VXN: variants seen among roughly 807,000 people sequenced by gnomAD.
VXN encodes vexin.
VXN carries 7 observed loss-of-function variants against 23.1 expected under a neutral mutation model. The observed-to-expected ratio is 0.30, with a 90% CI of 0.17 to 0.57. VXN has a LOEUF of 0.57. Among genes scored for constraint, VXN ranks in the 20% least tolerant of loss-of-function variants. VXN has a pLI of 0.91. For synonymous variants in VXN, 120 were observed against 105.8 expected, an observed-to-expected ratio of 1.13 and a Z score of -0.83; for missense variants, 238 against 272.6, an observed-to-expected ratio of 0.87 and a Z score of 0.89.
chr8:66,510,534 C>T (rs530676311), intron 4 of VXN, among the ~76,000 whole-genome samples: 9 of 152,248 alleles, frequency 5.9e-5, no homozygotes, highest in East Asian at 1.9e-4. Flanking sequence ...AAAAGAGAGG[C>T]GAGGCTCTCG....
At chr8:66,509,994 C>CTAA (rs1807803383) in intron 3 of VXN, 102 bp from the exon 4 acceptor site, 3 of 1,126,714 alleles carry the variant, frequency 2.7e-6, no homozygotes, top group South Asian at 2.5e-5. Context: ...TTTAGAAATT[C>CTAA]CCTGGCGTGG....
rs17322752 is a variant in VXN at position 66,516,133 on chromosome 8, A to C, written c.*57A>C. ...CAAGGTTCCCCGGACAAGAGGAAAA[A>C]CCTTCAGGATTGAAACTGAGCCACA... On this transcript the variant is annotated 3_prime_UTR_variant, in exon 6 of 6. Coordinates refer to ENST00000305454, the MANE Select transcript of VXN (RefSeq NM_152765.4). 2.7e-6 allele frequency: 4 copies of C among 1,476,778 alleles called. No homozygotes were observed. The highest frequency in any genetic ancestry group is 2.7e-6 in the Non-Finnish European group (3 of 1,111,778). 91.5% of individuals were successfully genotyped at this position (1,476,778 alleles called of 1,614,324 possible). A position where few individuals can be genotyped will look rare whatever the true frequency, so the allele number is the denominator to read the frequency against.
At chr8:66,508,247 TCCTAGCCCTCTTGGTA>T (rs1222531917) in intron 3 of VXN, among the ~76,000 whole-genome samples, 1 of 152,086 alleles carries the variant, frequency 6.6e-6, no homozygotes, top group Non-Finnish European at 1.5e-5. Context: ...GGTATTTCTC[TCCTAGCCCTCTTGGTA>T]CCTACCTCAA....
rs371062792 is a variant in VXN at position 66,505,472 on chromosome 8, G to T, written c.224G>T (p.Arg75Leu). The change falls in exon 3 of 6, where the codon CGG becomes CTG. Residue 75 changes from arginine (R) to leucine (L), a missense_variant. Physicochemically the swap from Arg to Leu is moderately radical, Grantham distance 102. Transcript: ENST00000305454. Reference sequence around the variant, plus strand: ...CCTGGCGACCGCCGCAGGTTTGGGCGGCTCCAGACCGCGCGGCCGCCCACA... The same window carrying T: ...CCTGGCGACCGCCGCAGGTTTGGGCTGCTCCAGACCGCGCGGCCGCCCACA... ...RDPGDRRRFG[R>L]LQTARPPTAH... 25 of 1,576,798 alleles carry T rather than the reference G, an allele frequency of 1.6e-5. No individual in the cohort carries two copies. The African/African-American group carries it at 3.1e-4, about 20-fold the overall frequency.
chr8:66,493,948 G>A (rs760295820), intron 1 of VXN, among the ~76,000 whole-genome samples: 7 of 152,112 alleles, frequency 4.6e-5, no homozygotes, highest in Non-Finnish European at 1.0e-4. Context: ...AATACTCCCT[G>A]TCTCATTTAA....
chr8:66,500,474 T>C lies in VXN; in HGVS notation c.126+3982T>C, dbSNP rs556361444. ...TAGATGTATTGATCATTTCAACATT[T>C]TTTCCCCTACGGTTTCTTACTCATG... is the stretch of plus-strand genomic sequence containing the variant. On this transcript the variant is annotated intron_variant, in intron 2 of 5. Coordinates refer to ENST00000305454, the MANE Select transcript of VXN (RefSeq NM_152765.4). 8.1e-4 allele frequency among the ~76,000 whole-genome samples: 124 copies of C among 152,358 alleles called. 1 individual carries two copies. Among genetic ancestry groups the C allele is most frequent in the African/African-American group, 2.9e-3 (120 of 41,584 alleles).
intron 2 of VXN, among the ~76,000 whole-genome samples, chr8:66,498,167 C>CAAA (rs57990704): frequency 1.7e-4 from 21 of 121,062 alleles, no homozygotes; most frequent in African/African-American, 3.4e-4. Context: ...GACTCCGTCT[C>CAAA]AAAAAAAAAA....
chr8:66,496,587 G>C, intron 2 of VXN, 95 bp downstream of exon 2: 2 of 1,170,148 alleles, frequency 1.7e-6, no homozygotes, highest in Non-Finnish European at 2.5e-6. Flanking sequence ...GCTCTCAGTG[G>C]CCAGGAGGGT....
intron 3 of VXN, among the ~76,000 whole-genome samples, chr8:66,506,473 C>T (rs1807761131): frequency 6.6e-6 from 1 of 151,922 alleles, no homozygotes; most frequent in South Asian, 2.1e-4. Context: ...CTCTAGCCCA[C>T]CCAAGTCTAT....
At chr8:66,497,030 G>A (rs1049475550) in intron 2 of VXN, among the ~76,000 whole-genome samples, 13 of 152,058 alleles carry the variant, frequency 8.5e-5, no homozygotes, top group Admixed American at 3.3e-4. Flanking sequence ...GACTACAGGC[G>A]CACGCCAGCA....
At position 66,513,525 on chromosome 8, in the gene VXN, G is replaced by A. The variant is rs370250849; in HGVS notation, c.343-15G>A. On this transcript the variant is annotated splice_polypyrimidine_tract_variant and intron_variant, in intron 4 of 5. Transcript: ENST00000305454. ...CAGATGCATCCTCACACTCCCTCCC[G>A]CTTCCTCATGACAGATACCGCCAGT... 7.9e-5 allele frequency: 127 copies of A among 1,611,000 alleles called. No homozygotes were observed. Among genetic ancestry groups the A allele is most frequent in the East Asian group, 1.6e-4 (7 of 44,876 alleles).
chr8:66,508,952 C>T (rs574480853), intron 3 of VXN, among the ~76,000 whole-genome samples: 27 of 152,226 alleles, frequency 1.8e-4, no homozygotes, highest in African/African-American at 6.0e-4. Flanking sequence ...CCAGAGATTA[C>T]GCATGCCACT....
intron 2 of VXN, among the ~76,000 whole-genome samples, chr8:66,497,847 G>T (rs1181983810): frequency 6.6e-6 from 1 of 151,744 alleles, no homozygotes; most frequent in Non-Finnish European, 1.5e-5. Flanking sequence ...GGCAACATGA[G>T]ACCCCGACTC....
intron 2 of VXN, 64 bp downstream of exon 2, chr8:66,496,556 C>A: frequency 6.9e-7 from 1 of 1,445,154 alleles, no homozygotes. Flanking sequence ...TGCCAGGCTT[C>A]TTCTTCACTC....
At chr8:66,513,097 G>A (rs1807843531) in intron 4 of VXN, among the ~76,000 whole-genome samples, 2 of 152,162 alleles carry the variant, frequency 1.3e-5, no homozygotes, top group South Asian at 2.1e-4. Context: ...GGCTGGGCTG[G>A]CCCTACCCTA....
chr8:66,493,864 A>AG (rs967772556), intron 1 of VXN, 146 bp downstream of exon 1: 14 of 656,246 alleles, frequency 2.1e-5, no homozygotes, highest in African/African-American at 2.0e-4. Context: ...GATTTTTTGG[A>AG]GGGGGGAAAG....
At chr8:66,505,601 A>C in intron 3 of VXN, 73 bp downstream of exon 3, 3 of 1,414,024 alleles carry the variant, frequency 2.1e-6, no homozygotes, top group South Asian at 3.1e-5. Flanking sequence ...CCACAAGCCC[A>C]GGTCAGGGCA....
chr8:66,499,135 C>CA (rs1807660196), intron 2 of VXN, among the ~76,000 whole-genome samples: 2 of 134,662 alleles, frequency 1.5e-5, no homozygotes, highest in Middle Eastern at 3.9e-3. Flanking sequence ...ATTTTTTTCT[C>CA]TTTTTTTTTT....
At chr8:66,504,871 G>A (rs1807731765) in intron 2 of VXN, among the ~76,000 whole-genome samples, 1 of 152,190 alleles carries the variant, frequency 6.6e-6, no homozygotes, top group South Asian at 2.1e-4. Context: ...AAAAATCTGA[G>A]ACTAAGTTGG....
Sources: allele counts gnomAD v4.1 joint callset (sites outside exome capture counted in the v4.1 genomes callset), GRCh38; gene constraint gnomAD v4.1.1; transcripts MANE v1.5; gene names NCBI Gene and HGNC (gene_info 2026-07-23, HGNC 2026-07-21).